ASAP1: variants seen among roughly 807,000 people sequenced by gnomAD.
The protein encoded by ASAP1 is ArfGAP with SH3 domain, ankyrin repeat and PH domain 1, also known as arf-GAP with SH3 domain, ANK repeat and PH domain-containing protein 1.
ASAP1 carries 43 observed loss-of-function variants against 145.2 expected under a neutral mutation model. The ratio of observed to expected loss-of-function variants is 0.30; its 90% CI spans 0.23 to 0.38. The LOEUF is 0.38. ASAP1 is among the 10% of genes least tolerant of loss of function. The pLI is 1.00. For synonymous variants in ASAP1, 546 were observed against 515.5 expected, an observed-to-expected ratio of 1.06 and a Z score of -0.80; for missense variants, 1,018 against 1,355.3, an observed-to-expected ratio of 0.75 and a Z score of 3.91.
At chr8:130,167,445 G>T in intron 11 of ASAP1, 91 bp downstream of exon 11, 1 of 987,152 alleles carries the variant, frequency 1.0e-6, no homozygotes, top group Non-Finnish European at 1.6e-6. Context: ...ATATATCACT[G>T]TGCCTGTCTT....
At chr8:130,243,644 T>C (rs1236776444) in intron 3 of ASAP1, among the ~76,000 whole-genome samples, 7 of 152,174 alleles carry the variant, frequency 4.6e-5, no homozygotes, top group African/African-American at 1.7e-4. Flanking sequence ...AGTCCTGCCT[T>C]AAAGCTTTTA....
intron 3 of ASAP1, among the ~76,000 whole-genome samples, chr8:130,261,048 TG>T (rs1446802481): frequency 6.6e-6 from 1 of 152,084 alleles, no homozygotes; most frequent in Admixed American, 6.6e-5. Context: ...AAAACGTCTG[TG>T]GGGAGAGGTC....
At chr8:130,126,943 C>T (rs1487174772) in intron 16 of ASAP1, among the ~76,000 whole-genome samples, 2 of 152,184 alleles carry the variant, frequency 1.3e-5, no homozygotes, top group African/African-American at 4.8e-5. Context: ...CTCTCTGAGT[C>T]CCAGTTTCCT....
In ASAP1 at chr8:130,293,738, G is replaced by A. The variant is rs548485954; in HGVS notation, c.187-56744C>T. ...CACAAATGACCATCTATCTCATGAG[G>A]CTACAAATGTTTCTTGTGTGAAGGA... On this transcript the variant is annotated intron_variant, in intron 3 of 29. Coordinates refer to ENST00000518721, the MANE Select transcript of ASAP1 (RefSeq NM_018482.4). 7.9e-5 allele frequency among the ~76,000 whole-genome samples: 12 copies of A among 152,280 alleles called. No individual in the cohort carries two copies. In the South Asian group the frequency reaches 8.3e-4, roughly 11 times the overall value.
At chr8:130,146,553 A>G (rs981543353) in intron 13 of ASAP1, among the ~76,000 whole-genome samples, 3 of 152,226 alleles carry the variant, frequency 2.0e-5, no homozygotes, top group African/African-American at 7.2e-5. Flanking sequence ...ACGTGGAATC[A>G]GAGGACAGCC....
At chr8:130,345,173 A>G (rs532799616) in intron 3 of ASAP1, among the ~76,000 whole-genome samples, 1 of 152,324 alleles carries the variant, frequency 6.6e-6, no homozygotes, top group Admixed American at 6.5e-5. Context: ...AATATATTAT[A>G]ACAGAGCGCA....
chr8:130,336,610 C>T (rs947694080), intron 3 of ASAP1, among the ~76,000 whole-genome samples: 4 of 152,170 alleles, frequency 2.6e-5, no homozygotes, highest in Admixed American at 2.6e-4. Context: ...TGAATGGTGT[C>T]GGCATCTATC....
At chr8:130,156,161 G>A (rs183221849) in intron 12 of ASAP1, among the ~76,000 whole-genome samples, 3 of 152,342 alleles carry the variant, frequency 2.0e-5, no homozygotes, top group East Asian at 1.9e-4. Flanking sequence ...GTAATAAAGA[G>A]CATTCCAAAG....
At chr8:130,243,322 G>A (rs1422834974) in intron 3 of ASAP1, among the ~76,000 whole-genome samples, 2 of 151,956 alleles carry the variant, frequency 1.3e-5, no homozygotes, top group Admixed American at 1.3e-4. Flanking sequence ...GTCTCTCCCT[G>A]TACTCCATCA....
chr8:130,169,844 G>C (rs920690982), intron 9 of ASAP1, among the ~76,000 whole-genome samples: 1 of 152,190 alleles, frequency 6.6e-6, no homozygotes, highest in African/African-American at 2.4e-5. Context: ...CAGCAGAGCT[G>C]GTGGAATTCA....
chr8:130,390,610 T>C (rs1446630970), intron 2 of ASAP1, among the ~76,000 whole-genome samples: 1 of 152,242 alleles, frequency 6.6e-6, no homozygotes, highest in Non-Finnish European at 1.5e-5. Context: ...AGGTCTGTAT[T>C]CTCAGTGCCT....
chr8:130,262,457 A>AGAGAGT (rs796416744), intron 3 of ASAP1, among the ~76,000 whole-genome samples: 39 of 127,860 alleles, frequency 3.1e-4, no homozygotes, highest in Non-Finnish European at 4.6e-4. Context: ...AGAGAGAGAG[A>AGAGAGT]ACCTGTGGAA....
chr8:130,242,261 T>TA (rs571916495), intron 3 of ASAP1, among the ~76,000 whole-genome samples: 3,091 of 85,294 alleles, frequency 0.036, 97 homozygotes, highest in African/African-American at 0.087. Context: ...GTGATTTCCT[T>TA]AAAAAAAAAA....
At chr8:130,248,784 T>G (rs1162396418) in intron 3 of ASAP1, among the ~76,000 whole-genome samples, 1 of 152,096 alleles carries the variant, frequency 6.6e-6, no homozygotes, top group East Asian at 1.9e-4. Flanking sequence ...CTCCAAATCT[T>G]CTCTTCCTCC....
chr8:130,342,754 A>ACG (rs1554887977), intron 3 of ASAP1, among the ~76,000 whole-genome samples: 1 of 151,618 alleles, frequency 6.6e-6, no homozygotes, highest in South Asian at 2.1e-4. Context: ...AACTCTCAGA[A>ACG]ACAAGTTAAA....
At chr8:130,098,379 T>C (rs2097522750) in intron 24 of ASAP1, among the ~76,000 whole-genome samples, 1 of 152,228 alleles carries the variant, frequency 6.6e-6, no homozygotes, top group Non-Finnish European at 1.5e-5. Flanking sequence ...TTTTGCTCTT[T>C]GTTGCCCAGG....
At chr8:130,341,860 G>C (rs572523738) in intron 3 of ASAP1, among the ~76,000 whole-genome samples, 104 of 152,290 alleles carry the variant, frequency 6.8e-4, no homozygotes, top group African/African-American at 2.4e-3. Context: ...AGAGCAGCAA[G>C]AAACGAGAGT....
At chr8:130,332,454 TTTCA>T (rs1304348478) in intron 3 of ASAP1, among the ~76,000 whole-genome samples, 1 of 152,238 alleles carries the variant, frequency 6.6e-6, no homozygotes, top group Non-Finnish European at 1.5e-5. Flanking sequence ...TAGTTTACAG[TTTCA>T]TTATTTGTAC....
intron 15 of ASAP1, among the ~76,000 whole-genome samples, chr8:130,128,557 G>A (rs2097578670): frequency 1.3e-5 from 2 of 152,024 alleles, no homozygotes; most frequent in South Asian, 4.1e-4. Flanking sequence ...ATGTCAGTGG[G>A]GACACTTAAC....
Sources: allele counts gnomAD v4.1 joint callset (sites outside exome capture counted in the v4.1 genomes callset), GRCh38; gene constraint gnomAD v4.1.1; transcripts MANE v1.5; gene names NCBI Gene and HGNC (gene_info 2026-07-23, HGNC 2026-07-21).